Variants in CCNJL observed in about 807,000 individuals in gnomAD.
The protein encoded by CCNJL is cyclin J like.
Under a neutral mutation model 33.4 loss-of-function variants are expected in CCNJL, and 33 were observed. The observed-to-expected ratio is 0.99, with a 90% confidence interval of 0.75 to 1.32. The LOEUF (loss-of-function observed/expected upper bound fraction) is 1.32, where lower values mean the gene tolerates loss of function less well. Ranked by LOEUF, CCNJL falls within the 40% of genes most tolerant of loss-of-function variation. The probability of loss-of-function intolerance (pLI) is 0.00; values close to 1 mark genes in which losing one functional copy is unlikely to be tolerated. For synonymous variants in CCNJL, 227 were observed against 220.9 expected (o/e 1.03, Z -0.24); for missense variants, 512 against 499.7 (o/e 1.02, Z -0.23).
intron 3 of CCNJL, among the ~76,000 whole-genome samples, chr5:160,277,087 C>T (rs758319881): frequency 6.6e-6 from 1 of 152,132 alleles, no homozygotes; most frequent in Non-Finnish European, 1.5e-5. Context: ...GCCACCGTGC[C>T]TGGTTGTATT....
rs1760885334 is a variant in CCNJL at position 160,253,254 on chromosome 5, C to T, written c.*124G>A. 4.6e-6 allele frequency: 4 copies of T among 866,374 alleles called. No individual in the cohort carries two copies. The highest frequency in any genetic ancestry group is 6.9e-6 in the Non-Finnish European group (4 of 580,572). The allele number at this position is 866,374 out of a possible 1,614,324, so 53.7% of individuals were successfully genotyped here. On this transcript the variant is annotated 3_prime_UTR_variant, in exon 6 of 6. Transcript: ENST00000257536. ...CAGTTTTATTTAAAAGGAGCACAGA[C>T]CCTCCACGTTCCAAGGCTCTTCAGG...
chr5:160,279,814 A>T (rs375066845), intron 3 of CCNJL, among the ~76,000 whole-genome samples: 175 of 152,324 alleles, frequency 1.1e-3, no homozygotes, highest in African/African-American at 3.7e-3. Context: ...TTGGTCTTTA[A>T]CCTAAGACTG....
At chr5:160,327,476 G>C (rs1011515311) in intron 1 of CCNJL, among the ~76,000 whole-genome samples, 1 of 152,210 alleles carries the variant, frequency 6.6e-6, no homozygotes, top group African/African-American at 2.4e-5. Context: ...CAGCCATAGG[G>C]GAAAGCTTTG....
intron 1 of CCNJL, chr5:160,326,885 T>A (rs1763543479): frequency 1.5e-6 from 1 of 684,294 alleles, no homozygotes; most frequent in Admixed American, 1.8e-5. Flanking sequence ...ACAGAAGAGA[T>A]TCATTCTAAA....
At chr5:160,306,311 A>G (rs1230726899) in intron 2 of CCNJL, among the ~76,000 whole-genome samples, 1 of 151,374 alleles carries the variant, frequency 6.6e-6, no homozygotes, top group South Asian at 2.1e-4. Context: ...ACAGAGCTGA[A>G]GTCCTCTGAG....
chr5:160,263,879 T>C (rs986198474), intron 3 of CCNJL, among the ~76,000 whole-genome samples: 4 of 151,952 alleles, frequency 2.6e-5, no homozygotes, highest in Non-Finnish European at 4.4e-5. Flanking sequence ...TATCATTCCA[T>C]CTACATTTTT....
chr5:160,273,710 G>A (rs75468925), intron 3 of CCNJL, among the ~76,000 whole-genome samples: 11,768 of 143,220 alleles, frequency 0.082, 684 homozygotes, highest in East Asian at 0.28. Context: ...ACAGTGGCGC[G>A]ATCTTGGCTC....
intron 1 of CCNJL, among the ~76,000 whole-genome samples, chr5:160,320,004 C>T (rs556726429): frequency 5.9e-5 from 9 of 152,162 alleles, no homozygotes; most frequent in Non-Finnish European, 7.3e-5. Context: ...ATGGGAATCA[C>T]CTGGCCCAGA....
chr5:160,309,975 T>C (rs1050514310), intron 2 of CCNJL, among the ~76,000 whole-genome samples: 1 of 152,192 alleles, frequency 6.6e-6, no homozygotes, highest in South Asian at 2.1e-4. Context: ...TCTTGCTTCT[T>C]TGAGCAGCCG....
At chr5:160,328,331 G>A (rs541048102) in intron 1 of CCNJL, among the ~76,000 whole-genome samples, 1 of 152,330 alleles carries the variant, frequency 6.6e-6, no homozygotes, top group African/African-American at 2.4e-5. Flanking sequence ...AGTTAGAGTA[G>A]GCAGTGAGTA....
At chr5:160,260,072 T>G (rs1193965846) in intron 3 of CCNJL, among the ~76,000 whole-genome samples, 1 of 152,118 alleles carries the variant, frequency 6.6e-6, no homozygotes, top group African/African-American at 2.4e-5. Flanking sequence ...AATGGGAAAA[T>G]GCAAACCAAA....
intron 2 of CCNJL, among the ~76,000 whole-genome samples, chr5:160,294,208 C>T (rs1435855724): frequency 6.6e-6 from 1 of 152,206 alleles, no homozygotes; most frequent in Non-Finnish European, 1.5e-5. Flanking sequence ...GGCTCACCCT[C>T]CTTCCTCTCT....
At chr5:160,303,333 G>T (rs1762983766) in intron 2 of CCNJL, among the ~76,000 whole-genome samples, 1 of 152,074 alleles carries the variant, frequency 6.6e-6, no homozygotes, top group African/African-American at 2.4e-5. Context: ...GGCCTCCTCA[G>T]TAGCTGGGAT....
chr5:160,282,993 A>ATATATATATG (rs1762282281), intron 2 of CCNJL, among the ~76,000 whole-genome samples: 5 of 59,376 alleles, frequency 8.4e-5, no homozygotes, highest in Non-Finnish European at 1.5e-4. Flanking sequence ...ATATATATAT[A>ATATATATATG]TATATATATA....
In CCNJL at chr5:160,250,024, A is replaced by T. The variant is rs1016486931; in HGVS notation, c.*3354T>A. 2.6e-5 allele frequency: 4 copies of T among 152,026 alleles called. No homozygotes were observed. The highest frequency in any genetic ancestry group is 5.9e-5 in the Non-Finnish European group (4 of 68,002). 9.4% of individuals were successfully genotyped at this position (152,026 alleles called of 1,614,324 possible). On this transcript the variant is annotated 3_prime_UTR_variant, in exon 6 of 6. Coordinates refer to ENST00000257536, the MANE Select transcript of CCNJL (RefSeq NM_001308173.3). ...TAACCTGATGCCAGCCCTGGGAGGAACTTTAAGACTATCTTTGTGCTTTTT... is the reference window on the plus strand; with the variant it reads ...TAACCTGATGCCAGCCCTGGGAGGATCTTTAAGACTATCTTTGTGCTTTTT...
chr5:160,288,807 G>A (rs1762489977), intron 2 of CCNJL, among the ~76,000 whole-genome samples: 1 of 148,858 alleles, frequency 6.7e-6, no homozygotes, highest in Non-Finnish European at 1.5e-5. Flanking sequence ...CTCCAGCCTG[G>A]GCGACAGAGC....
chr5:160,266,999 C>T (rs2113282844), intron 3 of CCNJL, among the ~76,000 whole-genome samples: 1 of 152,308 alleles, frequency 6.6e-6, no homozygotes, highest in Admixed American at 6.5e-5. Context: ...TGTCCCCCTC[C>T]CCCAGGGTGA....
At chr5:160,288,228 C>CATG (rs35549886) in intron 2 of CCNJL, among the ~76,000 whole-genome samples, 27,220 of 151,936 alleles carry the variant, frequency 0.18, 3,983 homozygotes, top group African/African-American at 0.4. Flanking sequence ...TGAGATCTTG[C>CATG]ATTTTCACGA....
At chr5:160,329,600 TG>T (rs1231818336) in intron 1 of CCNJL, among the ~76,000 whole-genome samples, 2 of 152,120 alleles carry the variant, frequency 1.3e-5, no homozygotes, top group African/African-American at 2.4e-5. Flanking sequence ...CCACCCACCT[TG>T]GCCTCCCAAA....
Sources: gnomAD v4.1 joint callset for allele counts (sites outside exome capture counted in the v4.1 genomes callset) on GRCh38, gnomAD v4.1.1 for gene constraint, MANE v1.5 for transcripts, NCBI Gene and HGNC (gene_info 2026-07-23, HGNC 2026-07-21) for gene names.